Variants in POLB observed in about 807,000 individuals in gnomAD.
The protein encoded by POLB is 5'-dRP lyase.
POLB carries 37 observed loss-of-function variants against 52.7 expected under a neutral mutation model. The observed-to-expected ratio is 0.70, with a 90% CI of 0.54 to 0.92. POLB has a LOEUF of 0.92. Ranked by LOEUF, POLB falls within the 40% of genes least tolerant of loss-of-function variation. The probability of loss-of-function intolerance (pLI) is 0.00; values close to 1 mark genes in which losing one functional copy is unlikely to be tolerated. For missense variants in POLB, 313 were observed against 400.8 expected (o/e 0.78, Z 1.87); for synonymous variants, 138 against 131.3 (o/e 1.05, Z -0.35).
chr8:42,347,162 T>C (rs1355267513), intron 3 of POLB, among the ~76,000 whole-genome samples: 2 of 152,076 alleles, frequency 1.3e-5, no homozygotes, highest in Non-Finnish European at 2.9e-5. Context: ...CAAAATTCCT[T>C]TTGCATAAGA....
chr8:42,345,403 G>A (rs1169887726), intron 3 of POLB, among the ~76,000 whole-genome samples: 2 of 152,122 alleles, frequency 1.3e-5, no homozygotes, highest in African/African-American at 2.4e-5. Flanking sequence ...GTGAGTTAGT[G>A]GGAGTGCGTG....
chr8:42,357,467 T>G (rs1823391186), intron 9 of POLB, 75 bp downstream of exon 9: 3 of 792,992 alleles, frequency 3.8e-6, no homozygotes, highest in South Asian at 1.5e-5. Flanking sequence ...GAATTTGGAT[T>G]AAAAAGATGT....
chr8:42,369,129 T>C (rs1330705674), intron 11 of POLB, 142 bp from the exon 12 acceptor site: 1 of 575,706 alleles, frequency 1.7e-6, no homozygotes, highest in Admixed American at 3.2e-5. Context: ...AGTGTATTGC[T>C]CACAGAAGCT....
At position 42,339,050 on chromosome 8, in the gene POLB, C is replaced by T. The variant is rs1822030594; in HGVS notation, c.100C>T (p.His34Tyr). ...TGAGAAGAACGTGAGCCAAGCTATC[C>T]ACAAGTACAATGCTTACAGGTGGGA... The part of the protein sequence containing the change: ...NFEKNVSQAI[H>Y]KYNAYRKAAS... Residue 34 changes from histidine (H) to tyrosine (Y), a missense_variant, in exon 2 of 14, where the codon CAC becomes TAC. By Grantham distance (83) the His-to-Tyr change is moderately conservative. This residue lies in a region of POLB where 54 missense variants were observed against 63.4 expected (regional missense o/e 0.85). Coordinates refer to ENST00000265421, the MANE Select transcript of POLB (RefSeq NM_002690.3). The T allele has an allele frequency of 1.2e-6, 2 of 1,613,570 alleles. No individual in the cohort carries two copies. Among genetic ancestry groups the T allele is most frequent in the African/African-American group, 1.3e-5 (1 of 74,914 alleles).
At chr8:42,358,394 C>T (rs1467256921) in intron 9 of POLB, among the ~76,000 whole-genome samples, 3 of 151,816 alleles carry the variant, frequency 2.0e-5, no homozygotes, top group Non-Finnish European at 2.9e-5. Flanking sequence ...CCCAGCTCCT[C>T]GGGCGGCTGA....
At chr8:42,366,078 C>T (rs758028478) in intron 11 of POLB, among the ~76,000 whole-genome samples, 2 of 148,560 alleles carry the variant, frequency 1.3e-5, no homozygotes, top group African/African-American at 2.5e-5. Flanking sequence ...CCAGCCCTGG[C>T]GACAGAGCAA....
intron 3 of POLB, among the ~76,000 whole-genome samples, chr8:42,347,746 G>A (rs894412112): frequency 3.9e-5 from 6 of 152,032 alleles, no homozygotes; most frequent in African/African-American, 1.4e-4. Context: ...AATCTATTCT[G>A]CTTCCTAAAT....
chr8:42,355,558 T>C lies in POLB; in HGVS notation c.413T>C (p.Ile138Thr). The C allele has an allele frequency of 6.3e-7, 1 of 1,593,252 alleles. No individual in the cohort carries two copies. Among genetic ancestry groups the C allele is most frequent in the Non-Finnish European group, 8.6e-7 (1 of 1,161,746 alleles). ...NEDKLNHHQR[I>T]GLKYFGDFEK... Reference sequence around the variant, plus strand: ...GATAAATTGAACCATCATCAGCGAATTGGGCTGAAGTAAGATGGCAGATTT... The same window carrying C: ...GATAAATTGAACCATCATCAGCGAACTGGGCTGAAGTAAGATGGCAGATTT... Residue 138 changes from isoleucine to threonine, a missense_variant, in exon 7 of 14, where the codon ATT becomes ACT. Transcript: ENST00000265421.
intron 4 of POLB, 47 bp downstream of exon 4, chr8:42,349,137 A>G (rs375783454): frequency 1.9e-6 from 2 of 1,040,754 alleles, no homozygotes; most frequent in Non-Finnish European, 3.0e-6. Flanking sequence ...ATCTGCCTTT[A>G]TGGCCACTAT....
intron 8 of POLB, 47 bp downstream of exon 8, chr8:42,357,270 C>G (rs1011805576): frequency 1.4e-6 from 2 of 1,427,716 alleles, no homozygotes; most frequent in African/African-American, 1.4e-5. Flanking sequence ...GAGAGTGTCA[C>G]TTGGTGAAAA....
At chr8:42,344,884 T>C (rs1263411246) in intron 2 of POLB, 69 bp from the exon 3 acceptor site, 2 of 896,574 alleles carry the variant, frequency 2.2e-6, no homozygotes, top group African/African-American at 3.3e-5. Context: ...TGTATATGTA[T>C]TCCAGTTTAA....
intron 2 of POLB, 152 bp downstream of exon 2, chr8:42,339,221 AG>A: frequency 1.5e-6 from 1 of 683,640 alleles, no homozygotes; most frequent in Non-Finnish European, 2.7e-6. Flanking sequence ...TATTTCTTGA[AG>A]AATGTGGGCA....
intron 5 of POLB, among the ~76,000 whole-genome samples, chr8:42,351,525 C>T (rs1159341548): frequency 2.0e-5 from 3 of 152,176 alleles, no homozygotes; most frequent in Non-Finnish European, 4.4e-5. Flanking sequence ...GTCAGGAAAT[C>T]TGGATAATGG....
intron 9 of POLB, among the ~76,000 whole-genome samples, chr8:42,358,240 C>T (rs897622705): frequency 2.0e-5 from 3 of 152,146 alleles, no homozygotes; most frequent in Non-Finnish European, 4.4e-5. Context: ...CGGTGGCTCA[C>T]GCCTATAATC....
chr8:42,366,073 C>T (rs1368162311), intron 11 of POLB, among the ~76,000 whole-genome samples: 3 of 151,716 alleles, frequency 2.0e-5, no homozygotes, highest in Non-Finnish European at 4.4e-5. Context: ...GCATTCCAGC[C>T]CTGGCGACAG....
chr8:42,360,961 T>C (rs1823640062), intron 9 of POLB: 4 of 395,738 alleles, frequency 1.0e-5, no homozygotes, highest in South Asian at 8.1e-5. Flanking sequence ...GAGTTGTTCA[T>C]AGGTGTATTT....
At chr8:42,362,129 G>A (rs1823734543) in intron 10 of POLB, among the ~76,000 whole-genome samples, 1 of 152,000 alleles carries the variant, frequency 6.6e-6, no homozygotes. Flanking sequence ...GCGTGGTGGT[G>A]CGCGCCTGTA....
intron 9 of POLB, chr8:42,357,664 T>G (rs1823403377): frequency 6.0e-6 from 2 of 334,524 alleles, no homozygotes; most frequent in African/African-American, 4.2e-5. Flanking sequence ...AATGGTTGTC[T>G]TTGGCCTTTT....
At chr8:42,358,165 G>A (rs184505409) in intron 9 of POLB, among the ~76,000 whole-genome samples, 61 of 152,248 alleles carry the variant, frequency 4.0e-4, no homozygotes, top group Middle Eastern at 6.8e-3. Context: ...TAATCCTGGT[G>A]TCTTACTGGT....
Sources: allele counts gnomAD v4.1 joint callset (sites outside exome capture counted in the v4.1 genomes callset), GRCh38; gene constraint gnomAD v4.1.1; regional missense constraint gnomAD v4.1.1; transcripts MANE v1.5; gene names NCBI Gene and HGNC (gene_info 2026-07-23, HGNC 2026-07-21).